Variants in ZFPM1 observed in about 807,000 individuals in gnomAD.
The protein encoded by ZFPM1 is zinc finger protein, FOG family member 1.
In ZFPM1, 28 loss-of-function variants were observed where a neutral mutation model predicts 46.3. The ratio of observed to expected loss-of-function variants is 0.60; its 90% CI spans 0.45 to 0.83. The LOEUF (loss-of-function observed/expected upper bound fraction) is 0.83, where lower values mean the gene tolerates loss of function less well. ZFPM1 is among the 40% of genes least tolerant of loss of function. The probability of loss-of-function intolerance (pLI) is 0.00; values close to 1 mark genes in which losing one functional copy is unlikely to be tolerated. For missense variants in ZFPM1, 1,878 were observed against 1,432.4 expected (o/e 1.31, Z -5.02); for synonymous variants, 957 against 675.9 (o/e 1.42, Z -6.45).
rs1057367476 is a variant in ZFPM1 at position 88,480,286 on chromosome 16, T to C, written c.41-5653T>C. 3.3e-5 allele frequency among the ~76,000 whole-genome samples: 5 copies of C among 151,998 alleles called. No homozygotes were observed. Among genetic ancestry groups the C allele is most frequent in the Non-Finnish European group, 7.4e-5 (5 of 68,004 alleles). The stretch of plus-strand genomic sequence containing the variant: ...CTGGCATCTTCCACTTTTTGGGGGA[T>C]GGGGCTGGTCACTGCAGGATCTCTG... On this transcript the variant is annotated intron_variant, in intron 1 of 9. Transcript: ENST00000319555. The surrounding 1 kb of genome is among the most constrained non-coding windows in gnomAD (Gnocchi z 4.9).
intron 3 of ZFPM1, chr16:88,513,222 C>T (rs1911076850): frequency 1.3e-5 from 2 of 152,216 alleles, no homozygotes; most frequent in Admixed American, 6.5e-5. Flanking sequence ...GCCCCCAGTC[C>T]GCTCTTCCCT....
Position 88,489,113 on chromosome 16 carries a change from G to A in ZFPM1, c.228G>A (p.Arg76=). The A allele has an allele frequency of 6.2e-7, 1 of 1,611,908 alleles. No individual in the cohort carries two copies. The highest frequency in any genetic ancestry group is 8.5e-7 in the Non-Finnish European group (1 of 1,179,342). Residue 76 remains arginine (R), a synonymous_variant, in exon 3 of 10, where the codon AGG becomes AGA. Coordinates refer to ENST00000319555, the MANE Select transcript of ZFPM1 (RefSeq NM_153813.3). ...KELEGQEPEP[R]PTEEEPGSPW... is the part of the protein sequence containing the mutation. ...TGGAAGGACAGGAACCAGAACCCAG[G>A]CCCACGGAGGAAGAGCCGGGCAGTC...
chr16:88,477,479 A>G (rs955099266), intron 1 of ZFPM1, among the ~76,000 whole-genome samples: 1 of 152,178 alleles, frequency 6.6e-6, no homozygotes, highest in African/African-American at 2.4e-5. Flanking sequence ...AAAGCCAAAC[A>G]TGGCTGGGTG....
At chr16:88,510,296 C>A (rs1036187040) in intron 3 of ZFPM1, among the ~76,000 whole-genome samples, 2 of 152,182 alleles carry the variant, frequency 1.3e-5, no homozygotes, top group South Asian at 2.1e-4. Flanking sequence ...AGGCCCTGGA[C>A]CCTGGCCAGA....
At chr16:88,527,206 G>C (rs77245956) in intron 5 of ZFPM1, among the ~76,000 whole-genome samples, 1 of 152,148 alleles carries the variant, frequency 6.6e-6, no homozygotes, top group Non-Finnish European at 1.5e-5. Flanking sequence ...CGTGATCCCC[G>C]TATCTCCTCC....
chr16:88,534,331 C>A lies in ZFPM1; in HGVS notation c.2373C>A (p.Ala791=). 2 of 1,362,282 alleles carry A rather than the reference C, an allele frequency of 1.5e-6. No homozygotes were observed. The highest frequency in any genetic ancestry group is 1.5e-5 in the African/African-American group (1 of 64,624). 84.4% of individuals were successfully genotyped at this position (1,362,282 alleles called of 1,614,324 possible). ...LAPARSPGPA[A]DGPIDLSKKP... is the part of the protein sequence containing the mutation. ...CTGCGCGCTCGCCCGGCCCCGCGGC[C>A]GACGGCCCCATCGACCTGAGCAAGA... The change falls in exon 10 of 10, where the codon GCC becomes GCA. Residue 791 remains alanine, a synonymous_variant. Transcript: ENST00000319555.
At chr16:88,464,408 A>G (rs1455731236) in intron 1 of ZFPM1, among the ~76,000 whole-genome samples, 2 of 152,100 alleles carry the variant, frequency 1.3e-5, no homozygotes, top group Non-Finnish European at 2.9e-5. Context: ...GGGTGTTTGC[A>G]CCTCAGTCCT....
At chr16:88,490,428 G>A (rs1416080430) in intron 3 of ZFPM1, among the ~76,000 whole-genome samples, 1 of 152,232 alleles carries the variant, frequency 6.6e-6, no homozygotes, top group East Asian at 1.9e-4. Context: ...CGCGCAAGCG[G>A]CCGTAATGAC....
chr16:88,527,502 G>C (rs1284556493), intron 5 of ZFPM1, among the ~76,000 whole-genome samples: 2 of 152,114 alleles, frequency 1.3e-5, no homozygotes, highest in Non-Finnish European at 2.9e-5. Flanking sequence ...GCAGGGTGGG[G>C]ACAGGCTGTG....
At chr16:88,499,934 G>A (rs375290376) in intron 3 of ZFPM1, among the ~76,000 whole-genome samples, 4 of 152,314 alleles carry the variant, frequency 2.6e-5, no homozygotes, top group African/African-American at 7.2e-5. Flanking sequence ...CATGAGGAGC[G>A]CAGCCGGAGC....
intron 1 of ZFPM1, among the ~76,000 whole-genome samples, chr16:88,461,150 C>CCAGGGGTGGGGCGG (rs750726391): frequency 2.0e-5 from 1 of 50,988 alleles, no homozygotes; most frequent in Non-Finnish European, 3.4e-5. Context: ...TGGTGAGGAC[C>CCAGGGGTGGGGCGG]GAGGGGCGGG....
At chr16:88,526,084 C>G (rs1912292787) in intron 4 of ZFPM1, among the ~76,000 whole-genome samples, 1 of 152,214 alleles carries the variant, frequency 6.6e-6, no homozygotes, top group South Asian at 2.1e-4. Context: ...CGATCCAACA[C>G]AGTGCTGGTG....
chr16:88,534,290 G>A lies in ZFPM1; in HGVS notation c.2332G>A (p.Gly778Ser). The change falls in exon 10 of 10, where the codon GGC (glycine) becomes AGC (serine). Residue 778 changes from glycine to serine, a missense_variant. Transcript: ENST00000319555. ...GCGGCCCGGAAGCGGAAGCGGAAGC[G>A]GCCCCGGCCTCGCCCCTGCGCGCTC... ...SPRPGSGSGS[G>S]PGLAPARSPG... 1.7e-6 allele frequency: 2 copies of A among 1,180,638 alleles called. No homozygotes were observed. The highest frequency in any genetic ancestry group is 4.0e-5 in the East Asian group (1 of 24,740). The allele number at this position is 1,180,638 out of a possible 1,614,324, so 73.1% of individuals were successfully genotyped here.
chr16:88,488,039 G>A (rs542980605), intron 2 of ZFPM1, among the ~76,000 whole-genome samples: 28 of 152,324 alleles, frequency 1.8e-4, no homozygotes, highest in African/African-American at 4.6e-4. Context: ...CGGAGCCTCC[G>A]TTACTGCACA....
At position 88,526,810 on chromosome 16, in the gene ZFPM1, C is replaced by G. The variant is rs59292167; in HGVS notation, c.403-4C>G. 0.1 allele frequency: 156,187 copies of G among 1,545,752 alleles called. 11,581 individuals are homozygous for G. Among genetic ancestry groups the G allele is most frequent in the African/African-American group, 0.34 (24,782 of 73,062 alleles). On this transcript the variant is annotated splice_polypyrimidine_tract_variant and splice_region_variant and intron_variant, in intron 4 of 9. Coordinates refer to ENST00000319555, the MANE Select transcript of ZFPM1 (RefSeq NM_153813.3). ...CCCCACGTGTTCCTACCCTCCCCCCCCAGAGCCCAGCCCTGACCCTGCTGC... is the reference window on the plus strand; with the variant it reads ...CCCCACGTGTTCCTACCCTCCCCCCGCAGAGCCCAGCCCTGACCCTGCTGC...
chr16:88,522,698 A>G (rs1419253792), intron 4 of ZFPM1, among the ~76,000 whole-genome samples: 2 of 152,172 alleles, frequency 1.3e-5, no homozygotes, highest in African/African-American at 4.8e-5. Flanking sequence ...TAAAGTGGCC[A>G]CTGCTGGTGG....
chr16:88,505,519 T>C (rs1335182030), intron 3 of ZFPM1, among the ~76,000 whole-genome samples: 1 of 152,078 alleles, frequency 6.6e-6, no homozygotes, highest in Non-Finnish European at 1.5e-5. Context: ...CAGGAGGTGG[T>C]GAGCACTCTG....
chr16:88,533,579 G>C lies in ZFPM1; in HGVS notation c.1621G>C (p.Glu541Gln). 5 of 1,500,356 alleles carry C rather than the reference G, an allele frequency of 3.3e-6. No homozygotes were observed. The highest frequency in any genetic ancestry group is 4.4e-6 in the Non-Finnish European group (5 of 1,125,030). The allele number at this position is 1,500,356 out of a possible 1,614,324, so 92.9% of individuals were successfully genotyped here. A position where few individuals can be genotyped will look rare whatever the true frequency, so the allele number is the denominator to read the frequency against. ...FGPDAAPPASEILAKMSELVH... is the reference protein window; with the variant it reads ...FGPDAAPPASQILAKMSELVH... ...GCCCGACGCGGCGCCCCCCGCCTCG[G>C]AGATCCTGGCCAAGATGTCCGAGCT... Residue 541 changes from glutamate to glutamine, a missense_variant, in exon 10 of 10, where the codon GAG (glutamate) becomes CAG (glutamine). By Grantham distance (29) the Glu-to-Gln change is conservative. Transcript: ENST00000319555.
At chr16:88,532,471 G>A (rs987547128) in intron 7 of ZFPM1, 143 bp from the exon 8 acceptor site, 7 of 906,814 alleles carry the variant, frequency 7.7e-6, no homozygotes, top group Admixed American at 2.7e-5. Flanking sequence ...AAAAGGCGGA[G>A]GAGGAGGAGG....
Sources: gnomAD v4.1 joint callset for allele counts (sites outside exome capture counted in the v4.1 genomes callset) on GRCh38, gnomAD v4.1.1 for gene constraint, Gnocchi (gnomAD v3.1) non-coding constraint, MANE v1.5 for transcripts, NCBI Gene and HGNC (gene_info 2026-07-23, HGNC 2026-07-21) for gene names.